The following ARHGAP24 variants were observed in gnomAD, a reference collection of about 807,000 sequenced individuals.
The protein encoded by ARHGAP24 is rho GTPase-activating protein 24.
In ARHGAP24, 50 loss-of-function variants were observed where a neutral mutation model predicts 76.4. The observed-to-expected ratio is 0.65, with a 90% CI of 0.52 to 0.83. The LOEUF (loss-of-function observed/expected upper bound fraction) is 0.83. Ranked by LOEUF, ARHGAP24 falls within the 40% of genes least tolerant of loss-of-function variation. ARHGAP24 has a pLI of 0.00. For synonymous variants in ARHGAP24, 345 were observed against 323.3 expected, an observed-to-expected ratio of 1.07 and a Z score of -0.72; for missense variants, 930 against 914.2, an observed-to-expected ratio of 1.02 and a Z score of -0.22.
chr4:85,847,413 A>C (rs1243330711), intron 3 of ARHGAP24, among the ~76,000 whole-genome samples: 1 of 152,232 alleles, frequency 6.6e-6, no homozygotes, highest in Non-Finnish European at 1.5e-5. Flanking sequence ...ATAGGTATTA[A>C]TGATGCTTAA....
At chr4:85,692,136 A>G (rs940743920) in intron 2 of ARHGAP24, among the ~76,000 whole-genome samples, 15 of 152,134 alleles carry the variant, frequency 9.9e-5, no homozygotes, top group African/African-American at 3.6e-4. Flanking sequence ...CTTTTCTTTA[A>G]GGATGCTGAA....
intron 3 of ARHGAP24, among the ~76,000 whole-genome samples, chr4:85,903,896 G>A (rs1396576047): frequency 6.6e-6 from 1 of 152,116 alleles, no homozygotes; most frequent in Non-Finnish European, 1.5e-5. Flanking sequence ...GTATGTAAGG[G>A]ATTCTCTGTA....
intron 3 of ARHGAP24, among the ~76,000 whole-genome samples, chr4:85,871,929 T>C (rs1380129555): frequency 6.6e-6 from 1 of 152,032 alleles, no homozygotes; most frequent in Non-Finnish European, 1.5e-5. Flanking sequence ...TAAGAAGAAA[T>C]GGTTTTCATT....
At chr4:85,482,778 G>C (rs1272738739) in intron 1 of ARHGAP24, among the ~76,000 whole-genome samples, 3 of 152,178 alleles carry the variant, frequency 2.0e-5, no homozygotes, top group South Asian at 2.1e-4. Context: ...AATCCTCACA[G>C]TTCCTACATG....
chr4:85,978,443 C>T (rs6838333), intron 8 of ARHGAP24, among the ~76,000 whole-genome samples: 31,835 of 151,916 alleles, frequency 0.21, 3,602 homozygotes, highest in South Asian at 0.39. Flanking sequence ...TTAGATCTTA[C>T]GTGTGAGAAA....
chr4:85,684,730 C>A (rs1223783380), intron 2 of ARHGAP24, among the ~76,000 whole-genome samples: 1 of 152,164 alleles, frequency 6.6e-6, no homozygotes, highest in African/African-American at 2.4e-5. Flanking sequence ...TGCTGTAGAA[C>A]AATGCCCTTA....
At chr4:85,802,662 ATGCC>A (rs1295430183) in intron 3 of ARHGAP24, among the ~76,000 whole-genome samples, 1 of 152,130 alleles carries the variant, frequency 6.6e-6, no homozygotes, top group Non-Finnish European at 1.5e-5. Context: ...CTGGTAGCAC[ATGCC>A]TGTAATCCCC....
intron 3 of ARHGAP24, among the ~76,000 whole-genome samples, chr4:85,841,057 C>T (rs1730570564): frequency 1.3e-5 from 2 of 152,178 alleles, no homozygotes; most frequent in Non-Finnish European, 2.9e-5. Flanking sequence ...TACCTCAGTT[C>T]CATTTTAGAC....
At chr4:85,540,361 A>G (rs950944906) in intron 1 of ARHGAP24, among the ~76,000 whole-genome samples, 1 of 152,196 alleles carries the variant, frequency 6.6e-6, no homozygotes, top group East Asian at 1.9e-4. Flanking sequence ...CAATGTGACC[A>G]ATCTTCTGAT....
At position 85,778,976 on chromosome 4, in the gene ARHGAP24, T is replaced by C. The variant is rs750489398; in HGVS notation, c.268+57004T>C. On this transcript the variant is annotated intron_variant, in intron 3 of 9. Coordinates refer to ENST00000395184, the MANE Select transcript of ARHGAP24 (RefSeq NM_001025616.3). ...CCAGTGACTTATAAGGTACTGTTTT[T>C]ACTCATTTAAATCTTCAGGGTTCAT... 166 of 985,352 alleles carry C rather than the reference T, an allele frequency of 1.7e-4. 2 individuals are homozygous for C. Among genetic ancestry groups the C allele is most frequent in the Non-Finnish European group, 9.2e-5 (76 of 829,950 alleles). The allele number at this position is 985,352 out of a possible 1,614,324, so 61.0% of individuals were successfully genotyped here.
chr4:85,859,346 G>T (rs1731759737), intron 3 of ARHGAP24, among the ~76,000 whole-genome samples: 1 of 151,850 alleles, frequency 6.6e-6, no homozygotes, highest in African/African-American at 2.4e-5. Flanking sequence ...TGTCCTTTAG[G>T]AGTTATTTCA....
intron 2 of ARHGAP24, among the ~76,000 whole-genome samples, chr4:85,597,224 A>C (rs184880690): frequency 6.6e-6 from 1 of 152,112 alleles, no homozygotes; most frequent in East Asian, 1.9e-4. Flanking sequence ...TATTGATATG[A>C]ATTGGTTGTC....
chr4:85,784,643 T>C (rs545997837), intron 3 of ARHGAP24, among the ~76,000 whole-genome samples: 1 of 152,072 alleles, frequency 6.6e-6, no homozygotes, highest in Admixed American at 6.6e-5. Flanking sequence ...ATGCTGTCTA[T>C]GGTATTCCAG....
At chr4:85,988,683 C>A (rs1215460928) in intron 8 of ARHGAP24, among the ~76,000 whole-genome samples, 1 of 151,180 alleles carries the variant, frequency 6.6e-6, no homozygotes, top group East Asian at 1.9e-4. Flanking sequence ...GAAAAAAATA[C>A]CATGATGACA....
chr4:85,672,845 T>C (rs1039547849), intron 2 of ARHGAP24, among the ~76,000 whole-genome samples: 1 of 152,216 alleles, frequency 6.6e-6, no homozygotes, highest in African/African-American at 2.4e-5. Context: ...TAATTAATTA[T>C]CTCCCCTGCT....
intron 8 of ARHGAP24, among the ~76,000 whole-genome samples, chr4:85,994,323 G>A (rs1212356207): frequency 6.6e-6 from 1 of 152,058 alleles, no homozygotes; most frequent in Admixed American, 6.5e-5. Flanking sequence ...ATAATACAGT[G>A]ATAATAACAG....
intron 3 of ARHGAP24, among the ~76,000 whole-genome samples, chr4:85,914,638 T>C (rs1735271725): frequency 6.6e-6 from 1 of 152,210 alleles, no homozygotes. Context: ...GAGACCTTCT[T>C]GTTTTTAACT....
chr4:85,513,318 T>C (rs776509437), intron 1 of ARHGAP24, among the ~76,000 whole-genome samples: 1 of 152,328 alleles, frequency 6.6e-6, no homozygotes, highest in African/African-American at 2.4e-5. Context: ...TTTCAGGCAC[T>C]GGAGGAGACA....
At chr4:85,861,412 C>G (rs1432594818) in intron 3 of ARHGAP24, among the ~76,000 whole-genome samples, 1 of 152,036 alleles carries the variant, frequency 6.6e-6, no homozygotes, top group East Asian at 1.9e-4. Flanking sequence ...TTAATCTTAT[C>G]CTTCATCATT....
Sources: gnomAD v4.1 joint callset for allele counts (sites outside exome capture counted in the v4.1 genomes callset) on GRCh38, gnomAD v4.1.1 for gene constraint, MANE v1.5 for transcripts, NCBI Gene and HGNC (gene_info 2026-07-23, HGNC 2026-07-21) for gene names.